Variants in PREPL observed in about 807,000 individuals in gnomAD.
PREPL encodes prolyl endopeptidase-like.
In PREPL, 77 loss-of-function variants were observed where a neutral mutation model predicts 70.6. The observed-to-expected ratio is 1.09, with a 90% confidence interval of 0.91 to 1.32. PREPL has a LOEUF of 1.32. Ranked by LOEUF, PREPL falls within the 40% of genes most tolerant of loss-of-function variation. PREPL has a pLI of 0.00. For missense variants in PREPL, 1,002 were observed against 778.2 expected (o/e 1.29, Z -3.42); for synonymous variants, 315 against 264.8 (o/e 1.19, Z -1.84).
chr2:44,317,787 A>G lies in PREPL; in HGVS notation c.*3569T>C, dbSNP rs1168418895. ...TTAATAGAAAAAAACCCTAAACAAT[A>G]GTATAACTACAAATAAAATAGGGCT... On this transcript the variant is annotated 3_prime_UTR_variant, in exon 14 of 14. Coordinates refer to ENST00000409411, the MANE Select transcript of PREPL (RefSeq NM_001171613.2). 1.3e-5 allele frequency: 2 copies of G among 154,920 alleles called. No individual in the cohort carries two copies. Among genetic ancestry groups the G allele is most frequent in the Non-Finnish European group, 2.9e-5 (2 of 69,746 alleles). The allele number at this position is 154,920 out of a possible 1,614,324, so 9.6% of individuals were successfully genotyped here.
chr2:44,340,735 C>G (rs1053334850), intron 5 of PREPL, among the ~76,000 whole-genome samples: 2 of 152,058 alleles, frequency 1.3e-5, no homozygotes, highest in Admixed American at 1.3e-4. Flanking sequence ...CAAGACCACC[C>G]TGGCCAACAT....
At chr2:44,340,927 CAAA>C (rs966745305) in intron 5 of PREPL, among the ~76,000 whole-genome samples, 3 of 97,910 alleles carry the variant, frequency 3.1e-5, no homozygotes, top group Non-Finnish European at 6.8e-5. Flanking sequence ...GACTCTGTTT[CAAA>C]AAAAAAAAAA....
Position 44,326,698 on chromosome 2 carries a change from C to T in PREPL, c.1479+14G>A, listed in dbSNP as rs769456480. 6.2e-7 allele frequency: 1 copy of T among 1,605,844 alleles called. No individual in the cohort carries two copies. Among genetic ancestry groups the T allele is most frequent in the South Asian group, 1.1e-5 (1 of 90,890 alleles). On this transcript the variant is annotated intron_variant, in intron 10 of 13. Transcript: ENST00000409411. The stretch of plus-strand genomic sequence containing the variant: ...TCCCCCATTCTATAAACAGTAGAGA[C>T]AGAGCGTACTCACCTCCAAAGTCAC...
At chr2:44,321,959 C>T (rs184979501) in intron 12 of PREPL, 59 bp from the exon 13 acceptor site, 62 of 1,511,126 alleles carry the variant, frequency 4.1e-5, no homozygotes, top group Admixed American at 1.1e-4. Flanking sequence ...TTTGGAAGAT[C>T]GAGACCCATT....
intron 1 of PREPL, among the ~76,000 whole-genome samples, chr2:44,356,065 T>C (rs1430059242): frequency 6.6e-6 from 1 of 152,150 alleles, no homozygotes; most frequent in African/African-American, 2.4e-5. Context: ...AGTAAGTTCA[T>C]CTTGCCATCT....
At chr2:44,333,681 T>G (rs1674350093) in intron 7 of PREPL, among the ~76,000 whole-genome samples, 3 of 152,160 alleles carry the variant, frequency 2.0e-5, no homozygotes, top group South Asian at 4.1e-4. Flanking sequence ...ATCTGCAATC[T>G]CTAAAAGCTC....
rs1208295822 is a variant in PREPL, at chr2:44,338,266, C to T, written c.888+85G>A. 4 of 1,227,034 alleles carry T rather than the reference C, an allele frequency of 3.3e-6. No individual in the cohort carries two copies. In the East Asian group the frequency reaches 1.0e-4, roughly 31 times the overall value. The allele number at this position is 1,227,034 out of a possible 1,614,324, so 76.0% of individuals were successfully genotyped here. ...CCTTTCAAGAAAAAGAACACTGCTGCCACTATTCAAAATGTGATGTTCTGT... is the reference window on the plus strand; with the variant it reads ...CCTTTCAAGAAAAAGAACACTGCTGTCACTATTCAAAATGTGATGTTCTGT... On this transcript the variant is annotated intron_variant, in intron 7 of 13. Transcript: ENST00000409411.
At chr2:44,350,425 TAG>T (rs1181499598) in intron 1 of PREPL, among the ~76,000 whole-genome samples, 11 of 152,184 alleles carry the variant, frequency 7.2e-5, no homozygotes, top group African/African-American at 2.6e-4. Flanking sequence ...AAATTAGGAA[TAG>T]AGAGGAACTT....
At chr2:44,348,584 A>G (rs1676071774) in intron 1 of PREPL, among the ~76,000 whole-genome samples, 1 of 152,202 alleles carries the variant, frequency 6.6e-6, no homozygotes, top group Non-Finnish European at 1.5e-5. Flanking sequence ...ACACAGAGCC[A>G]AAAGCAACAG....
At chr2:44,324,266 G>C (rs956804532) in intron 10 of PREPL, among the ~76,000 whole-genome samples, 7 of 152,192 alleles carry the variant, frequency 4.6e-5, no homozygotes, top group African/African-American at 1.7e-4. Context: ...CAAATGGAGA[G>C]CTGTTTAATC....
chr2:44,343,835 T>A lies in PREPL; in HGVS notation c.259A>T (p.Thr87Ser). The change falls in exon 4 of 14, where the codon ACT becomes TCT. Residue 87 changes from threonine to serine, a missense_variant. Coordinates refer to ENST00000409411, the MANE Select transcript of PREPL (RefSeq NM_001171613.2). ...DEKYVAAKIR[T>S]EDSEASTCVI... Reference sequence around the variant, plus strand: ...CAGGTAGATGCTTCAGAATCTTCAGTTCTTATCTTGGCAGCCACATATTTT... The same window carrying A: ...CAGGTAGATGCTTCAGAATCTTCAGATCTTATCTTGGCAGCCACATATTTT... The A allele has an allele frequency of 6.2e-7, 1 of 1,613,986 alleles. No homozygotes were observed. The highest frequency in any genetic ancestry group is 8.5e-7 in the Non-Finnish European group (1 of 1,179,854).
At chr2:44,345,832 T>C (rs1013630696) in intron 2 of PREPL, among the ~76,000 whole-genome samples, 2 of 152,132 alleles carry the variant, frequency 1.3e-5, no homozygotes, top group African/African-American at 4.8e-5. Context: ...AACTTCTCCT[T>C]AGAATGATTA....
Position 44,321,182 on chromosome 2 carries a change from G to A in PREPL, c.*174C>T. ...TAATGGGCATGTGCATCAATGGAGA[G>A]AATAGTATAAGCAAGTGAGATGTAG... On this transcript the variant is annotated 3_prime_UTR_variant, in exon 14 of 14. Transcript: ENST00000409411. 1.6e-6 allele frequency: 1 copy of A among 609,622 alleles called. No homozygotes were observed. Among genetic ancestry groups the A allele is most frequent in the South Asian group, 2.1e-5 (1 of 46,512 alleles). 37.8% of individuals were successfully genotyped at this position (609,622 alleles called of 1,614,324 possible). A position where few individuals can be genotyped will look rare whatever the true frequency, so the allele number is the denominator to read the frequency against.
intron 8 of PREPL, among the ~76,000 whole-genome samples, chr2:44,330,892 A>G (rs1572861654): frequency 6.6e-6 from 1 of 151,718 alleles, no homozygotes; most frequent in African/African-American, 2.4e-5. Context: ...TCTACTCCTC[A>G]CCCTGCCAAT....
At chr2:44,334,396 T>C (rs1674426673) in intron 7 of PREPL, among the ~76,000 whole-genome samples, 1 of 152,140 alleles carries the variant, frequency 6.6e-6, no homozygotes, top group Non-Finnish European at 1.5e-5. Context: ...GATGTTAGCA[T>C]ACAGCAAAAA....
At chr2:44,350,011 T>G (rs1457627025) in intron 1 of PREPL, among the ~76,000 whole-genome samples, 1 of 152,174 alleles carries the variant, frequency 6.6e-6, no homozygotes, top group Non-Finnish European at 1.5e-5. Context: ...GTAGCTTTCT[T>G]GGATCTTCAA....
chr2:44,319,976 G>A lies in PREPL; in HGVS notation c.*1380C>T, dbSNP rs373643441. 102 of 543,930 alleles carry A rather than the reference G, an allele frequency of 1.9e-4. No individual in the cohort carries two copies. Among genetic ancestry groups the A allele is most frequent in the African/African-American group, 1.6e-3 (84 of 52,780 alleles). 33.7% of individuals were successfully genotyped at this position (543,930 alleles called of 1,614,324 possible). A position where few individuals can be genotyped will look rare whatever the true frequency, so the allele number is the denominator to read the frequency against. On this transcript the variant is annotated 3_prime_UTR_variant, in exon 14 of 14. Coordinates refer to ENST00000409411, the MANE Select transcript of PREPL (RefSeq NM_001171613.2). ...TCTACAATGTAGCAGAGCACTGTGCGTACTTATTGACTCCCAGACAAGCCG... is the reference window on the plus strand; with the variant it reads ...TCTACAATGTAGCAGAGCACTGTGCATACTTATTGACTCCCAGACAAGCCG...
At chr2:44,354,667 C>T (rs1007488015) in intron 1 of PREPL, among the ~76,000 whole-genome samples, 5 of 152,132 alleles carry the variant, frequency 3.3e-5, no homozygotes, top group African/African-American at 9.7e-5. Context: ...CTCCACCTCC[C>T]GGGTTCAAGT....
intron 11 of PREPL, 40 bp downstream of exon 11, chr2:44,323,222 T>C (rs750421770): frequency 1.6e-5 from 24 of 1,519,440 alleles, no homozygotes; most frequent in Non-Finnish European, 2.1e-5. Context: ...TTATCTTCTG[T>C]GTAAATTCAG....
Sources: allele counts gnomAD v4.1 joint callset (sites outside exome capture counted in the v4.1 genomes callset), GRCh38; gene constraint gnomAD v4.1.1; transcripts MANE v1.5; gene names NCBI Gene and HGNC (gene_info 2026-07-23, HGNC 2026-07-21).